TP53BP1: variants seen among roughly 807,000 people sequenced by gnomAD.
TP53BP1 encodes tumor protein p53 binding protein 1.
Under a neutral mutation model 200.8 loss-of-function variants are expected in TP53BP1, and 61 were observed. The ratio of observed to expected loss-of-function variants is 0.30; its 90% confidence interval spans 0.25 to 0.38. The LOEUF is 0.38. Ranked by LOEUF, TP53BP1 falls within the 10% of genes least tolerant of loss-of-function variation. The pLI is 1.00. For missense variants in TP53BP1, 2,144 were observed against 2,371.9 expected (o/e 0.90, Z 2.00); for synonymous variants, 822 against 844.3 (o/e 0.97, Z 0.46).
intron 17 of TP53BP1, among the ~76,000 whole-genome samples, chr15:43,428,901 C>G (rs1056371708): frequency 1.3e-5 from 2 of 152,090 alleles, no homozygotes; most frequent in African/African-American, 4.8e-5. Context: ...ATTCAAAAAA[C>G]ATTAAGCAAA....
In TP53BP1 at chr15:43,491,721, C is replaced by A. The variant is rs2079125515; in HGVS notation, c.319G>T (p.Gly107Cys). Residue 107 changes from glycine to cysteine, a missense_variant, in exon 4 of 28, where the codon GGT becomes TGT. Gly to Cys is a radical substitution (Grantham distance 159, BLOSUM62 -3). Around this residue, in one of 4 missense-constraint regions of TP53BP1, gnomAD observed 1,700 missense variants for 1,710.3 expected, o/e 0.99. Transcript: ENST00000382044. ...PVDSSNLDTC[G>C]SISQVIEQLP... The stretch of plus-strand genomic sequence containing the variant: ...TGCTCAATGACCTGACTGATGGAAC[C>A]ACATGTGTCCAAGTTAGAAGAATCC... The A allele has an allele frequency of 6.2e-7, 1 of 1,613,918 alleles. No homozygotes were observed. The highest frequency in any genetic ancestry group is 1.7e-5 in the Admixed American group (1 of 59,988).
chr15:43,508,500 CCT>C (rs1484928496), intron 1 of TP53BP1, among the ~76,000 whole-genome samples: 1 of 152,092 alleles, frequency 6.6e-6, no homozygotes, highest in Non-Finnish European at 1.5e-5. Context: ...TCTGTGAGAC[CCT>C]GTCTCAAATA....
At chr15:43,504,155 A>T (rs2079224320) in intron 1 of TP53BP1, among the ~76,000 whole-genome samples, 1 of 152,056 alleles carries the variant, frequency 6.6e-6, no homozygotes, top group African/African-American at 2.4e-5. Flanking sequence ...TAAAACAAAA[A>T]TTTTTTGAGA....
At chr15:43,482,410 C>T (rs764670232) in intron 4 of TP53BP1, among the ~76,000 whole-genome samples, 7 of 152,054 alleles carry the variant, frequency 4.6e-5, no homozygotes, top group South Asian at 2.1e-4. Flanking sequence ...CCGAAGTGGG[C>T]GGATCATTTA....
chr15:43,440,511 T>A (rs532406196), intron 15 of TP53BP1, among the ~76,000 whole-genome samples: 1 of 139,072 alleles, frequency 7.2e-6, no homozygotes, highest in Admixed American at 7.2e-5. Flanking sequence ...TGAGACTCCG[T>A]CTCAAAAAAA....
At chr15:43,481,059 T>G in intron 4 of TP53BP1, 37 bp from the exon 5 acceptor site, 3 of 1,613,438 alleles carry the variant, frequency 1.9e-6, no homozygotes, top group Non-Finnish European at 2.5e-6. Flanking sequence ...TGTTCCCAGA[T>G]AGTTTGGGAC....
chr15:43,444,542 T>TA, intron 14 of TP53BP1, among the ~76,000 whole-genome samples: 1 of 152,326 alleles, frequency 6.6e-6, no homozygotes, highest in East Asian at 1.9e-4. Context: ...CCAGACTTCC[T>TA]GGATTTGTAT....
Position 43,432,222 on chromosome 15 carries a change from C to T in TP53BP1, c.3647G>A (p.Gly1216Glu). The part of the protein sequence containing the change: ...GSGEKPVSAP[G>E]DDTESLHSQG... ...GCTATGGAGCGACTCTGTATCATCC[C>T]CAGGAGCACTGACTGGTTTCTCACC... Residue 1216 changes from glycine (G) to glutamate (E), a missense_variant, in exon 17 of 28, where the codon GGG (glycine) becomes GAG (glutamate). Physicochemically the swap from Gly to Glu is moderately conservative, Grantham distance 98 (BLOSUM62 -2). This residue lies in a region of TP53BP1 where 1,700 missense variants were observed against 1,710.3 expected (regional missense o/e 0.99). Transcript: ENST00000382044. 1 of 1,614,082 alleles carries T rather than the reference C, an allele frequency of 6.2e-7. No individual in the cohort carries two copies. The highest frequency in any genetic ancestry group is 8.5e-7 in the Non-Finnish European group (1 of 1,179,986).
rs745461784 is a variant in TP53BP1, at chr15:43,403,641, ACCTT to A, written c.*3738_*3741del. On this transcript the variant is annotated 3_prime_UTR_variant, in exon 28 of 28. Coordinates refer to ENST00000382044, the MANE Select transcript of TP53BP1 (RefSeq NM_001141980.3). ...CCTAACACTTTAACTTCATGGATGTACCTTCCTTCCTTTCCTAATGCCAACTCTG... is the reference window on the plus strand; with the variant it reads ...CCTAACACTTTAACTTCATGGATGTACCTTCCTTTCCTAATGCCAACTCTG... 17 of 1,407,236 alleles carry A rather than the reference ACCTT, an allele frequency of 1.2e-5. No individual in the cohort carries two copies. The highest frequency in any genetic ancestry group is 1.6e-5 in the Non-Finnish European group (16 of 996,758). 87.2% of individuals were successfully genotyped at this position (1,407,236 alleles called of 1,614,324 possible). A position where few individuals can be genotyped will look rare whatever the true frequency, so the allele number is the denominator to read the frequency against.
chr15:43,475,445 T>C, intron 9 of TP53BP1, 120 bp downstream of exon 9: 1 of 1,182,206 alleles, frequency 8.5e-7, no homozygotes, highest in African/African-American at 1.6e-5. Context: ...AATGCATAGG[T>C]TCTACCATTT....
chr15:43,500,389 TTTG>T (rs1466171558), intron 1 of TP53BP1, among the ~76,000 whole-genome samples: 1 of 152,176 alleles, frequency 6.6e-6, no homozygotes, highest in Non-Finnish European at 1.5e-5. Context: ...TCAATCTTCT[TTTG>T]TTGAAATTTT....
intron 17 of TP53BP1, among the ~76,000 whole-genome samples, chr15:43,429,174 AT>A (rs1397757109): frequency 6.6e-6 from 1 of 152,190 alleles, no homozygotes; most frequent in Non-Finnish European, 1.5e-5. Flanking sequence ...GATCTGAATA[AT>A]TTTTAAAAGA....
rs1245714844 is a variant in TP53BP1 at position 43,430,130 on chromosome 15, A to G, written c.3676-1962T>C. On this transcript the variant is annotated intron_variant, in intron 17 of 27. Transcript: ENST00000382044. The stretch of plus-strand genomic sequence containing the variant: ...TAAATAAATTGATGATCTTACCACC[A>G]TTAAGGGAAGGAAACAAAATGAAAA... Among the ~76,000 whole-genome samples, 5 of 152,342 alleles carry G rather than the reference A, an allele frequency of 3.3e-5. No homozygotes were observed. The East Asian group carries it at 9.6e-4, about 29-fold the overall frequency.
chr15:43,416,480 AG>A, intron 21 of TP53BP1, 64 bp from the exon 22 acceptor site: 2 of 1,509,906 alleles, frequency 1.3e-6, no homozygotes, highest in South Asian at 2.5e-5. Flanking sequence ...CCCTCTCACA[AG>A]GGCTCTGTAA....
At position 43,477,727 on chromosome 15, in the gene TP53BP1, G is replaced by C; in HGVS notation, c.821C>G (p.Ser274Cys). The change falls in exon 8 of 28, where the codon TCT becomes TGT. Residue 274 changes from serine (S) to cysteine (C), a missense_variant. Physicochemically the swap from Ser to Cys is moderately radical, Grantham distance 112. This residue lies in a region of TP53BP1 where 1,700 missense variants were observed against 1,710.3 expected (regional missense o/e 0.99). Transcript: ENST00000382044. ...TTCTTTTGCTTCCATAGCAGCAACA[G>C]ATGCTTTGGGGCTAAAAGGCATGTC... ...SEDMPFSPKA[S>C]VAAMEAKEQL... 2 of 1,611,480 alleles carry C rather than the reference G, an allele frequency of 1.2e-6. No individual in the cohort carries two copies. Among genetic ancestry groups the C allele is most frequent in the Non-Finnish European group, 1.7e-6 (2 of 1,179,046 alleles).
intron 19 of TP53BP1, among the ~76,000 whole-genome samples, chr15:43,421,471 T>C (rs1410767866): frequency 2.0e-5 from 3 of 152,236 alleles, no homozygotes; most frequent in African/African-American, 7.2e-5. Flanking sequence ...CTTTAGGCTC[T>C]GGACACCTGC....
In TP53BP1 at chr15:43,405,541, C is replaced by T. The variant is rs1370814633; in HGVS notation, c.*1842G>A. 1.2e-5 allele frequency: 4 copies of T among 325,164 alleles called. No homozygotes were observed. The highest frequency in any genetic ancestry group is 4.2e-5 in the African/African-American group (2 of 47,232). 20.1% of individuals were successfully genotyped at this position (325,164 alleles called of 1,614,324 possible). A position where few individuals can be genotyped will look rare whatever the true frequency, so the allele number is the denominator to read the frequency against. The stretch of plus-strand genomic sequence containing the variant: ...GGTACTGTTCAAGCTGTGGGAGATA[C>T]AGCGGTAAACAAACAATATAGAGCA... On this transcript the variant is annotated 3_prime_UTR_variant, in exon 28 of 28. Transcript: ENST00000382044.
chr15:43,464,861 T>A (rs483724), intron 11 of TP53BP1, among the ~76,000 whole-genome samples: 41,090 of 151,848 alleles, frequency 0.27, 9,142 homozygotes, highest in African/African-American at 0.61. Context: ...TGAGCCAAGA[T>A]CATGCCATTG....
Position 43,459,417 on chromosome 15 carries a change from G to C in TP53BP1, c.1390-2199C>G, listed in dbSNP as rs937428151. On this transcript the variant is annotated intron_variant, in intron 11 of 27. Transcript: ENST00000382044. The stretch of plus-strand genomic sequence containing the variant: ...TTATTCATATATTCACTCATATAAT[G>C]GTCATATATTAATTATAATTGAATA... Among the ~76,000 whole-genome samples, 10 of 152,044 alleles carry C rather than the reference G, an allele frequency of 6.6e-5. No individual in the cohort carries two copies. The South Asian group carries it at 2.1e-3, about 32-fold the overall frequency.
Sources: gnomAD v4.1 joint callset for allele counts (sites outside exome capture counted in the v4.1 genomes callset) on GRCh38, gnomAD v4.1.1 for gene constraint, gnomAD v4.1.1 regional missense constraint, MANE v1.5 for transcripts, NCBI Gene and HGNC (gene_info 2026-07-23, HGNC 2026-07-21) for gene names.